The following FNTB variants were observed in gnomAD, a reference collection of about 807,000 sequenced individuals.
The protein encoded by FNTB is protein farnesyltransferase subunit beta.
A neutral mutation model predicts 59.4 loss-of-function variants in FNTB; 27 were observed. The observed-to-expected ratio is 0.45, with a 90% CI of 0.34 to 0.63. FNTB has a LOEUF of 0.63. FNTB is among the 20% of genes least tolerant of loss of function. The pLI is 0.02. For synonymous variants in FNTB, 230 were observed against 220.7 expected (o/e 1.04, Z -0.37); for missense variants, 449 against 559.6 (o/e 0.80, Z 1.99).
chr14:65,061,329 C>A lies in FNTB; in HGVS notation c.*17C>A. ...ACCGACTAGAGGACCTGGGTCCCGGCAGCTCTTTGCTCACCCATCTCCCCA... is the reference window on the plus strand; with the variant it reads ...ACCGACTAGAGGACCTGGGTCCCGGAAGCTCTTTGCTCACCCATCTCCCCA... On this transcript the variant is annotated 3_prime_UTR_variant, in exon 12 of 12. Transcript: ENST00000246166. 6.2e-7 allele frequency: 1 copy of A among 1,613,052 alleles called. No homozygotes were observed. The highest frequency in any genetic ancestry group is 8.5e-7 in the Non-Finnish European group (1 of 1,179,928).
At chr14:64,987,437 T>G in intron 1 of FNTB, 1 of 366,056 alleles carries the variant, frequency 2.7e-6, no homozygotes, top group South Asian at 2.9e-5. Flanking sequence ...TGCCAGTACT[T>G]CGGGAGGTTC....
rs1159127100 is a variant in FNTB, at chr14:65,044,625, T to C, written c.955+182T>C. The stretch of plus-strand genomic sequence containing the variant: ...GAATGCAGAGTAAGATTTAGTTTCA[T>C]TGGTTTAGTGTCATTCTTTGCTTCT... On this transcript the variant is annotated intron_variant, in intron 9 of 11. Coordinates refer to ENST00000246166, the MANE Select transcript of FNTB (RefSeq NM_002028.4). This position sits in a 1 kb window ranked among gnomAD's most constrained non-coding sequence, Gnocchi z 5.5. 1 of 900,728 alleles carries C rather than the reference T, an allele frequency of 1.1e-6. No individual in the cohort carries two copies. Among genetic ancestry groups the C allele is most frequent in the African/African-American group, 1.8e-5 (1 of 57,120 alleles). The allele number at this position is 900,728 out of a possible 1,614,324, so 55.8% of individuals were successfully genotyped here. A position where few individuals can be genotyped will look rare whatever the true frequency, so the allele number is the denominator to read the frequency against.
intron 7 of FNTB, among the ~76,000 whole-genome samples, chr14:65,037,113 T>A (rs549576710): frequency 6.6e-6 from 1 of 152,044 alleles, no homozygotes; most frequent in African/African-American, 2.4e-5. Flanking sequence ...CTTTTTTTTT[T>A]TTCCTTTGAG....
At chr14:64,998,198 C>T (rs1317262977) in intron 1 of FNTB, among the ~76,000 whole-genome samples, 1 of 152,170 alleles carries the variant, frequency 6.6e-6, no homozygotes, top group Non-Finnish European at 1.5e-5. Context: ...GCATCAACCT[C>T]TGAGCTGAAA....
At chr14:65,037,414 T>C (rs1206924983) in intron 7 of FNTB, among the ~76,000 whole-genome samples, 3 of 90,286 alleles carry the variant, frequency 3.3e-5, no homozygotes, top group Admixed American at 1.3e-4. Context: ...TTTTTTTTTT[T>C]TTTTTTTTTT....
In FNTB at chr14:65,044,247, T is replaced by G; in HGVS notation, c.823-64T>G. 1.2e-6 allele frequency: 2 copies of G among 1,606,682 alleles called. No individual in the cohort carries two copies. The highest frequency in any genetic ancestry group is 1.7e-6 in the Non-Finnish European group (2 of 1,177,136). On this transcript the variant is annotated intron_variant, in intron 8 of 11. Coordinates refer to ENST00000246166, the MANE Select transcript of FNTB (RefSeq NM_002028.4). This position sits in a 1 kb window ranked among gnomAD's most constrained non-coding sequence, Gnocchi z 5.5. The stretch of plus-strand genomic sequence containing the variant: ...CATCCCACAGATTGACTCCTGGAGA[T>G]TCTGTCGGGCTGGATTTTGTCTCTT...
At chr14:65,049,498 T>G (rs1394590130) in intron 9 of FNTB, among the ~76,000 whole-genome samples, 1 of 152,198 alleles carries the variant, frequency 6.6e-6, no homozygotes, top group Non-Finnish European at 1.5e-5. Context: ...TCTGCTTTCA[T>G]CTTGTTGTGA....
chr14:65,040,472 ACT>A (rs1332150528), intron 7 of FNTB, among the ~76,000 whole-genome samples: 1 of 151,522 alleles, frequency 6.6e-6, no homozygotes, highest in Non-Finnish European at 1.5e-5. Flanking sequence ...ACCTAGTCTC[ACT>A]CTTTCACCCG....
chr14:65,002,396 G>C (rs939172928), intron 1 of FNTB, among the ~76,000 whole-genome samples: 26 of 152,188 alleles, frequency 1.7e-4, no homozygotes, highest in African/African-American at 5.5e-4. Flanking sequence ...ATCACCTGAG[G>C]TCAGGAGTTC....
rs957240053 is a variant in FNTB at position 65,012,213 on chromosome 14, G to A, written c.210-104G>A. 1.3e-5 allele frequency: 19 copies of A among 1,421,184 alleles called. No homozygotes were observed. The highest frequency in any genetic ancestry group is 1.1e-4 in the African/African-American group (8 of 70,508). The allele number at this position is 1,421,184 out of a possible 1,614,324, so 88.0% of individuals were successfully genotyped here. ...ATCCAGTCAGTGATTGCAGGGGGAC[G>A]TCCTGAAGCTGAGTGTTTACCCGTG... On this transcript the variant is annotated intron_variant, in intron 2 of 11. Coordinates refer to ENST00000246166, the MANE Select transcript of FNTB (RefSeq NM_002028.4). This position sits in a 1 kb window ranked among gnomAD's most constrained non-coding sequence, Gnocchi z 5.0.
At chr14:65,002,590 CAG>C (rs200366598) in intron 1 of FNTB, among the ~76,000 whole-genome samples, 1,563 of 152,058 alleles carry the variant, frequency 0.01, 17 homozygotes, top group Non-Finnish European at 0.016. Flanking sequence ...GCCTGGATGA[CAG>C]AGACTCCGTC....
At position 65,001,603 on chromosome 14, in the gene FNTB, A is replaced by C. The variant is rs975538738; in HGVS notation, c.145-2646A>C. Among the ~76,000 whole-genome samples the C allele has an allele frequency of 6.6e-5, 10 of 152,238 alleles. No homozygotes were observed. Among genetic ancestry groups the C allele is most frequent in the African/African-American group, 2.2e-4 (9 of 41,458 alleles). On this transcript the variant is annotated intron_variant, in intron 1 of 11. Coordinates refer to ENST00000246166, the MANE Select transcript of FNTB (RefSeq NM_002028.4). This position sits in a 1 kb window ranked among gnomAD's most constrained non-coding sequence, Gnocchi z 5.5. ...TTTTATATCAAGGACTTGAGCATCC[A>C]CAGATTTTGATATCCTGGGAGATCC...
Position 65,044,563 on chromosome 14 carries a change from G to T in FNTB, c.955+120G>T. ...ATGAGCTCTGTCTATCCTGGATTTTGAGTGCCCAGTGTGGAACCTCATGCC... is the reference window on the plus strand; with the variant it reads ...ATGAGCTCTGTCTATCCTGGATTTTTAGTGCCCAGTGTGGAACCTCATGCC... On this transcript the variant is annotated intron_variant, in intron 9 of 11. Transcript: ENST00000246166. This position sits in a 1 kb window ranked among gnomAD's most constrained non-coding sequence, Gnocchi z 5.5. 6.9e-7 allele frequency: 1 copy of T among 1,439,718 alleles called. No homozygotes were observed. 89.2% of individuals were successfully genotyped at this position (1,439,718 alleles called of 1,614,324 possible).
chr14:65,035,589 G>C (rs1465622978), intron 7 of FNTB, among the ~76,000 whole-genome samples: 3 of 152,002 alleles, frequency 2.0e-5, no homozygotes, highest in Admixed American at 6.6e-5. Flanking sequence ...GAGTGTAGTG[G>C]TGTGATCACA....
Position 65,012,796 on chromosome 14 carries a change from T to C in FNTB, c.282+407T>C, listed in dbSNP as rs2061704854. Among the ~76,000 whole-genome samples, 1 of 152,228 alleles carries C rather than the reference T, an allele frequency of 6.6e-6. No homozygotes were observed. The highest frequency in any genetic ancestry group is 1.5e-5 in the Non-Finnish European group (1 of 68,036). The stretch of plus-strand genomic sequence containing the variant: ...CCTGTTAAGTCTGTATCGTGATGGT[T>C]ACAAATTTTCCAACTTCACCACTCC... On this transcript the variant is annotated intron_variant, in intron 3 of 11. Coordinates refer to ENST00000246166, the MANE Select transcript of FNTB (RefSeq NM_002028.4). The surrounding 1 kb of genome is among the most constrained non-coding windows in gnomAD (Gnocchi z 5.0).
In FNTB at chr14:64,991,465, G is replaced by C. The variant is rs529284645; in HGVS notation, c.144+4368G>C. On this transcript the variant is annotated intron_variant, in intron 1 of 11. Coordinates refer to ENST00000246166, the MANE Select transcript of FNTB (RefSeq NM_002028.4). This position sits in a 1 kb window ranked among gnomAD's most constrained non-coding sequence, Gnocchi z 4.4. Reference sequence around the variant, plus strand: ...AAAAAAATACAAAAATTAGCTAGGCGTGGTGGTGTGCACCTGTAATACCAG... The same window carrying C: ...AAAAAAATACAAAAATTAGCTAGGCCTGGTGGTGTGCACCTGTAATACCAG... Among the ~76,000 whole-genome samples the C allele has an allele frequency of 6.6e-6, 1 of 152,168 alleles. No homozygotes were observed. The highest frequency in any genetic ancestry group is 1.9e-4 in the East Asian group (1 of 5,176).
chr14:65,053,177 T>G, intron 9 of FNTB, 61 bp from the exon 10 acceptor site: 1 of 1,248,876 alleles, frequency 8.0e-7, no homozygotes, highest in Non-Finnish European at 1.0e-6. Context: ...GAAAGTGGAA[T>G]TAGGTCATTG....
chr14:65,059,761 T>A (rs1302160951), intron 11 of FNTB, among the ~76,000 whole-genome samples: 1 of 151,996 alleles, frequency 6.6e-6, no homozygotes, highest in Non-Finnish European at 1.5e-5. Context: ...AATTTAAATT[T>A]CATATTTAAA....
intron 7 of FNTB, among the ~76,000 whole-genome samples, chr14:65,040,300 TATATATGTGTATATATGTAC>T (rs986277649): frequency 1.4e-4 from 21 of 149,470 alleles, no homozygotes; most frequent in Non-Finnish European, 2.1e-4. Flanking sequence ...TATATATGTA[TATATATGTGTATATATGTAC>T]ATATATGTAT....
Sources: allele counts gnomAD v4.1 joint callset (sites outside exome capture counted in the v4.1 genomes callset), GRCh38; gene constraint gnomAD v4.1.1; non-coding constraint Gnocchi (gnomAD v3.1); transcripts MANE v1.5; gene names NCBI Gene and HGNC (gene_info 2026-07-23, HGNC 2026-07-21).